ZNF75A: variants seen among roughly 807,000 people sequenced by gnomAD.
The protein encoded by ZNF75A is zinc finger protein 75A.
In ZNF75A, 36 loss-of-function variants were observed where a neutral mutation model predicts 46.3. The observed-to-expected ratio is 0.78, with a 90% confidence interval of 0.60 to 1.03. ZNF75A has a LOEUF of 1.03. Ranked by LOEUF, ZNF75A falls within the 50% of genes least tolerant of loss-of-function variation. The pLI is 0.00. For missense variants in ZNF75A, 595 were observed against 551.3 expected (o/e 1.08, Z -0.79); for synonymous variants, 234 against 189.9 (o/e 1.23, Z -1.91).
At chr16:3,320,019 A>G (rs1010878077), downstream of ZNF75A, among the ~76,000 whole-genome samples, 1 of 151,868 alleles carries the variant, frequency 6.6e-6, no homozygotes, top group Non-Finnish European at 1.5e-5. Flanking sequence ...CATTGGTGCT[A>G]TGTGTTTCTG....
In ZNF75A at chr16:3,318,156, A is replaced by G. The variant is rs1296891883; in HGVS notation, c.*287A>G. The G allele has an allele frequency of 1.7e-6, 2 of 1,146,306 alleles. No individual in the cohort carries two copies. Among genetic ancestry groups the G allele is most frequent in the African/African-American group, 3.2e-5 (2 of 62,134 alleles). 71.0% of individuals were successfully genotyped at this position (1,146,306 alleles called of 1,614,324 possible). A position where few individuals can be genotyped will look rare whatever the true frequency, so the allele number is the denominator to read the frequency against. ...GTCTTCCAAAACAAAAAGCAGTAAC[A>G]TGCATGTTTAATTGCATACCATTCT... On this transcript the variant is annotated 3_prime_UTR_variant, in exon 7 of 7. Coordinates refer to ENST00000669516, the MANE Select transcript of ZNF75A (RefSeq NM_001302109.2).
chr16:3,320,542 A>AG (rs1285049115), downstream of ZNF75A, among the ~76,000 whole-genome samples: 4 of 152,246 alleles, frequency 2.6e-5, no homozygotes, highest in African/African-American at 9.6e-5. Flanking sequence ...ATGATAGGGA[A>AG]GAAAGACATT....
chr16:3,315,001 G>A, intron 5 of ZNF75A: 1 of 985,148 alleles, frequency 1.0e-6, no homozygotes, highest in Non-Finnish European at 1.2e-6. Context: ...GTGTAGCGGA[G>A]GGTGTAGGTG....
chr16:3,323,400 G>T (rs2030014821), downstream of ZNF75A: 1 of 813,126 alleles, frequency 1.2e-6, no homozygotes, highest in South Asian at 1.3e-5. Context: ...TTCCCCAGGT[G>T]CTCCTCAATC....
downstream of ZNF75A, among the ~76,000 whole-genome samples, chr16:3,320,334 G>T (rs1211113042): frequency 1.3e-5 from 2 of 152,218 alleles, no homozygotes; most frequent in Non-Finnish European, 2.9e-5. Context: ...GTGAGCCACC[G>T]CACCTGGCCA....
rs1224606312 is a variant in ZNF75A, at chr16:3,318,026, C to T, written c.*157C>T. ...CAGAAAATAATCAAGACTTGCTCTG[C>T]AGCCACTCAGTAGTCTTCTGTGGTC... On this transcript the variant is annotated 3_prime_UTR_variant, in exon 7 of 7. Transcript: ENST00000669516. 4 of 1,416,404 alleles carry T rather than the reference C, an allele frequency of 2.8e-6. No homozygotes were observed. Among genetic ancestry groups the T allele is most frequent in the Non-Finnish European group, 3.7e-6 (4 of 1,092,226 alleles). 87.7% of individuals were successfully genotyped at this position (1,416,404 alleles called of 1,614,324 possible). A position where few individuals can be genotyped will look rare whatever the true frequency, so the allele number is the denominator to read the frequency against.
At position 3,313,151 on chromosome 16, in the gene ZNF75A, A is replaced by G; in HGVS notation, c.799A>G (p.Asn267Asp). The G allele has an allele frequency of 1.2e-6, 2 of 1,614,088 alleles. No individual in the cohort carries two copies. Among genetic ancestry groups the G allele is most frequent in the East Asian group, 2.2e-5 (1 of 44,886 alleles). ...KALYNDVMQE[N>D]YETVISLALF... ...CCTCTACAATGATGTAATGCAGGAAAACTATGAGACTGTCATCTCTCTAGG... is the reference window on the plus strand; with the variant it reads ...CCTCTACAATGATGTAATGCAGGAAGACTATGAGACTGTCATCTCTCTAGG... Residue 267 changes from asparagine (N) to aspartate (D), a missense_variant, in exon 5 of 7, where the codon AAC (asparagine) becomes GAC (aspartate). Coordinates refer to ENST00000669516, the MANE Select transcript of ZNF75A (RefSeq NM_001302109.2).
At position 3,311,817 on chromosome 16, in the gene ZNF75A, T is replaced by A; in HGVS notation, c.473T>A (p.Phe158Tyr). ...GGAGAAACAGCAGAGGCCTCAAGTT[T>A]CGGGCTGAAGCCAACAGAGTCCCAA... is the stretch of plus-strand genomic sequence containing the variant. ...LLGETAEASS[F>Y]GLKPTESQPV... Residue 158 changes from phenylalanine (F) to tyrosine (Y), a missense_variant, in exon 3 of 7, where the codon TTC becomes TAC. Transcript: ENST00000669516. 1 of 1,049,172 alleles carries A rather than the reference T, an allele frequency of 9.5e-7. No homozygotes were observed. The highest frequency in any genetic ancestry group is 1.2e-6 in the Non-Finnish European group (1 of 862,570). The allele number at this position is 1,049,172 out of a possible 1,614,324, so 65.0% of individuals were successfully genotyped here.
chr16:3,323,139 T>C, downstream of ZNF75A: 5 of 555,696 alleles, frequency 9.0e-6, no homozygotes, highest in Admixed American at 1.3e-4. Flanking sequence ...CAAAAACACA[T>C]GCTTCCACTT....
In ZNF75A at chr16:3,318,144, A is replaced by G. The variant is rs1051123374; in HGVS notation, c.*275A>G. 1.0e-5 allele frequency: 12 copies of G among 1,179,118 alleles called. No homozygotes were observed. Among genetic ancestry groups the G allele is most frequent in the Non-Finnish European group, 9.4e-6 (9 of 953,686 alleles). The allele number at this position is 1,179,118 out of a possible 1,614,324, so 73.0% of individuals were successfully genotyped here. A position where few individuals can be genotyped will look rare whatever the true frequency, so the allele number is the denominator to read the frequency against. On this transcript the variant is annotated 3_prime_UTR_variant, in exon 7 of 7. Transcript: ENST00000669516. ...ATTGGCAGCATGGTCTTCCAAAACA[A>G]AAAGCAGTAACATGCATGTTTAATT...
intron 5 of ZNF75A, chr16:3,316,572 A>C (rs1961221172): frequency 5.8e-6 from 1 of 173,080 alleles, no homozygotes; most frequent in African/African-American, 2.4e-5. Context: ...CTGAAGAGTT[A>C]ATAAGACCAG....
In ZNF75A at chr16:3,318,500, C is replaced by G; in HGVS notation, c.*631C>G. 1.0e-6 allele frequency: 1 copy of G among 985,236 alleles called. No individual in the cohort carries two copies. The highest frequency in any genetic ancestry group is 1.2e-6 in the Non-Finnish European group (1 of 829,882). The allele number at this position is 985,236 out of a possible 1,614,324, so 61.0% of individuals were successfully genotyped here. A position where few individuals can be genotyped will look rare whatever the true frequency, so the allele number is the denominator to read the frequency against. On this transcript the variant is annotated 3_prime_UTR_variant, in exon 7 of 7. Coordinates refer to ENST00000669516, the MANE Select transcript of ZNF75A (RefSeq NM_001302109.2). ...ATCTCTAATGGAATCATGGGGGAAACGGGTTGGAATTTGTAGCCATGGAAT... is the reference window on the plus strand; with the variant it reads ...ATCTCTAATGGAATCATGGGGGAAAGGGGTTGGAATTTGTAGCCATGGAAT...
chr16:3,312,632 G>A (rs17684582), intron 3 of ZNF75A, 45 bp from the exon 4 acceptor site: 202,521 of 882,348 alleles, frequency 0.23, 25,035 homozygotes, highest in Admixed American at 0.29. Context: ...AGCTCAGGAT[G>A]TTTATAGATA....
Position 3,318,584 on chromosome 16 carries a change from C to A in ZNF75A, c.*715C>A. ...AGAAACTAGACTTGTTAATCCCTGC[C>A]TTGCAATGTCAGTAGGATAAAGCAG... On this transcript the variant is annotated 3_prime_UTR_variant, in exon 7 of 7. Transcript: ENST00000669516. 1.0e-6 allele frequency: 1 copy of A among 985,404 alleles called. No individual in the cohort carries two copies. Among genetic ancestry groups the A allele is most frequent in the Non-Finnish European group, 1.2e-6 (1 of 829,932 alleles). The allele number at this position is 985,404 out of a possible 1,614,324, so 61.0% of individuals were successfully genotyped here. A position where few individuals can be genotyped will look rare whatever the true frequency, so the allele number is the denominator to read the frequency against.
downstream of ZNF75A, among the ~76,000 whole-genome samples, chr16:3,320,013 G>C (rs1229093582): frequency 6.6e-6 from 1 of 151,996 alleles, no homozygotes; most frequent in African/African-American, 2.4e-5. Context: ...CTGAGACATT[G>C]GTGCTATGTG....
chr16:3,316,868 C>T (rs761827770), intron 5 of ZNF75A, 44 bp from the exon 6 acceptor site: 1 of 1,369,552 alleles, frequency 7.3e-7, no homozygotes, highest in Non-Finnish European at 1.0e-6. Context: ...GACCAGTTCA[C>T]TGTTAAGTTA....
chr16:3,308,946 G>GT (rs111362747), intron 2 of ZNF75A, 110 bp downstream of exon 2: 46,734 of 605,024 alleles, frequency 0.077, 1,006 homozygotes, highest in African/African-American at 0.21. Flanking sequence ...TCATTGTTTG[G>GT]TTTTTTTTTT....
Position 3,311,773 on chromosome 16 carries a change from A to G in ZNF75A, c.429A>G (p.Gly143=), listed in dbSNP as rs1424598875. The change falls in exon 3 of 7, where the codon GGA becomes GGG. Residue 143 remains glycine, a synonymous_variant. Transcript: ENST00000669516. ...TWNGVAVHEL[G]KEAVLLGETA... is the part of the protein sequence containing the mutation. ...TCTAGGTTGCAGTCCATGAGCTGGG[A>G]AAGGAGGCAGTGCTCTTGGGAGAAA... is the stretch of plus-strand genomic sequence containing the variant. 2 of 1,050,414 alleles carry G rather than the reference A, an allele frequency of 1.9e-6. No homozygotes were observed. Among genetic ancestry groups the G allele is most frequent in the Non-Finnish European group, 2.3e-6 (2 of 862,990 alleles). The allele number at this position is 1,050,414 out of a possible 1,614,324, so 65.1% of individuals were successfully genotyped here. A position where few individuals can be genotyped will look rare whatever the true frequency, so the allele number is the denominator to read the frequency against.
downstream of ZNF75A, among the ~76,000 whole-genome samples, chr16:3,321,374 C>T (rs913856664): frequency 7.2e-5 from 11 of 152,206 alleles, no homozygotes; most frequent in African/African-American, 2.7e-4. Context: ...TTGACCCCGT[C>T]TAGTCTCCTG....
Sources: gnomAD v4.1 joint callset for allele counts (sites outside exome capture counted in the v4.1 genomes callset) on GRCh38, gnomAD v4.1.1 for gene constraint, MANE v1.5 for transcripts, NCBI Gene and HGNC (gene_info 2026-07-23, HGNC 2026-07-21) for gene names.